RC3H1: variants seen among roughly 807,000 people sequenced by gnomAD.
RC3H1 encodes the protein ring finger and CCCH-type domains 1.
Under a neutral mutation model 138.2 loss-of-function variants are expected in RC3H1, and 50 were observed. That is an observed-to-expected ratio of 0.36 (90% CI 0.29 to 0.46). The LOEUF (loss-of-function observed/expected upper bound fraction) is 0.46, where lower values mean the gene tolerates loss of function less well. RC3H1 is among the 20% of genes least tolerant of loss of function. RC3H1 has a pLI of 1.00. For synonymous variants in RC3H1, 462 were observed against 489.1 expected, an observed-to-expected ratio of 0.94 and a Z score of 0.73; for missense variants, 1,031 against 1,388.1, an observed-to-expected ratio of 0.74 and a Z score of 4.09.
intron 1 of RC3H1, among the ~76,000 whole-genome samples, chr1:174,003,359 C>A: frequency 6.7e-6 from 1 of 149,622 alleles, no homozygotes; most frequent in Non-Finnish European, 1.5e-5. Flanking sequence ...TGCACTCCAG[C>A]CTGGGCAACA....
At chr1:174,019,562 T>C (rs571707157) in intron 1 of RC3H1, among the ~76,000 whole-genome samples, 1 of 152,350 alleles carries the variant, frequency 6.6e-6, no homozygotes, top group South Asian at 2.1e-4. Context: ...TCAACAAATA[T>C]GTTCTGAAAG....
intron 19 of RC3H1, among the ~76,000 whole-genome samples, chr1:173,940,958 A>C (rs1168619157): frequency 6.6e-6 from 1 of 151,876 alleles, no homozygotes; most frequent in Non-Finnish European, 1.5e-5. Context: ...AGTAGCTGGG[A>C]CTACAGGCAC....
chr1:173,990,331 G>A (rs1338486066), intron 2 of RC3H1, among the ~76,000 whole-genome samples: 2 of 151,748 alleles, frequency 1.3e-5, no homozygotes, highest in African/African-American at 2.4e-5. Flanking sequence ...TGCTAGCCTC[G>A]GCCTCCCAAA....
intron 18 of RC3H1, among the ~76,000 whole-genome samples, chr1:173,942,603 C>T (rs373849632): frequency 4.0e-5 from 6 of 151,582 alleles, no homozygotes; most frequent in Admixed American, 2.6e-4. Flanking sequence ...GAGGCTGAGG[C>T]GGGCGGATCA....
chr1:174,017,194 C>T (rs1035464347), intron 1 of RC3H1, among the ~76,000 whole-genome samples: 1 of 152,142 alleles, frequency 6.6e-6, no homozygotes, highest in Non-Finnish European at 1.5e-5. Context: ...TTAAGAAAAC[C>T]TAAAAGGCAA....
chr1:173,964,743 G>GT, intron 10 of RC3H1, 96 bp downstream of exon 10: 1 of 1,177,016 alleles, frequency 8.5e-7, no homozygotes, highest in Non-Finnish European at 1.2e-6. Context: ...AAATAATCAG[G>GT]GTTTTTTTTT....
chr1:173,978,348 T>C (rs1660667826), intron 7 of RC3H1, 140 bp downstream of exon 7: 3 of 779,186 alleles, frequency 3.9e-6, no homozygotes, highest in Non-Finnish European at 5.8e-6. Context: ...AGATTTAAAA[T>C]GGAAACTTAA....
intron 1 of RC3H1, among the ~76,000 whole-genome samples, chr1:174,003,695 G>C (rs1443618734): frequency 6.9e-6 from 1 of 145,190 alleles, no homozygotes; most frequent in South Asian, 2.2e-4. Context: ...GAGTCTCTCT[G>C]TGTCCCCTAG....
intron 2 of RC3H1, among the ~76,000 whole-genome samples, chr1:173,987,859 A>G (rs2103026423): frequency 6.6e-6 from 1 of 152,266 alleles, no homozygotes; most frequent in East Asian, 1.9e-4. Flanking sequence ...ATCCATTATC[A>G]CATGAATCAC....
chr1:173,946,389 T>G, intron 17 of RC3H1, 87 bp downstream of exon 17: 1 of 1,280,726 alleles, frequency 7.8e-7, no homozygotes, highest in South Asian at 1.5e-5. Context: ...CCTTAAAGTT[T>G]TTTGTTCACA....
Position 173,931,862 on chromosome 1 carries a change from C to A in RC3H1, c.*6859G>T, listed in dbSNP as rs1658391801. The A allele has an allele frequency of 6.6e-6, 1 of 151,824 alleles. No homozygotes were observed. The highest frequency in any genetic ancestry group is 2.1e-4 in the South Asian group (1 of 4,830). 9.4% of individuals were successfully genotyped at this position (151,824 alleles called of 1,614,324 possible). Reference sequence around the variant, plus strand: ...AACACTTGGAAAAAGTAAAATTTCACAAAATTCAGCAATTAAAAAATCAGC... The same window carrying A: ...AACACTTGGAAAAAGTAAAATTTCAAAAAATTCAGCAATTAAAAAATCAGC... On this transcript the variant is annotated 3_prime_UTR_variant, in exon 20 of 20. Transcript: ENST00000367696.
chr1:174,007,025 C>G (rs993280724), intron 1 of RC3H1, among the ~76,000 whole-genome samples: 1 of 152,090 alleles, frequency 6.6e-6, no homozygotes, highest in Non-Finnish European at 1.5e-5. Flanking sequence ...ATGATTACTC[C>G]TTTATTCTTC....
intron 15 of RC3H1, 60 bp downstream of exon 15, chr1:173,947,309 G>T: frequency 9.0e-7 from 1 of 1,114,756 alleles, no homozygotes; most frequent in Non-Finnish European, 1.4e-6. Flanking sequence ...GGAGAGCAGG[G>T]GTAATGCTGA....
intron 13 of RC3H1, among the ~76,000 whole-genome samples, chr1:173,956,430 C>T (rs1453488844): frequency 6.6e-6 from 1 of 151,950 alleles, no homozygotes. Flanking sequence ...GAGGCCAAGG[C>T]AGGCGGATCA....
At chr1:173,951,154 A>G (rs1356595943) in intron 14 of RC3H1, among the ~76,000 whole-genome samples, 2 of 152,108 alleles carry the variant, frequency 1.3e-5, no homozygotes, top group African/African-American at 4.8e-5. Context: ...GAGAAACCCC[A>G]TCTCTACTAA....
chr1:173,975,537 T>C (rs1330196622), intron 7 of RC3H1, among the ~76,000 whole-genome samples: 2 of 152,176 alleles, frequency 1.3e-5, no homozygotes, highest in Non-Finnish European at 2.9e-5. Flanking sequence ...TATGTCTTCA[T>C]ACAAATGCAT....
chr1:173,975,636 C>T lies in RC3H1; in HGVS notation c.1102+2852G>A, dbSNP rs1262094406. Among the ~76,000 whole-genome samples, 2 of 61,118 alleles carry T rather than the reference C, an allele frequency of 3.3e-5. 1 individual carries two copies. Among genetic ancestry groups the T allele is most frequent in the Non-Finnish European group, 5.1e-5 (2 of 39,122 alleles). The allele number at this position is 61,118 out of a possible 152,430, so 40.1% of individuals were successfully genotyped here. A position where few individuals can be genotyped will look rare whatever the true frequency, so the allele number is the denominator to read the frequency against. The stretch of plus-strand genomic sequence containing the variant: ...AAATTTGGCCGGGCGCGGTGGCTCA[C>T]GCCTGTAATCCCAGCACTTTGGGAG... On this transcript the variant is annotated intron_variant, in intron 7 of 19. Coordinates refer to ENST00000367696, the MANE Select transcript of RC3H1 (RefSeq NM_172071.4).
intron 8 of RC3H1, among the ~76,000 whole-genome samples, chr1:173,972,282 A>C (rs143310146): frequency 1.3e-5 from 2 of 152,348 alleles, no homozygotes; most frequent in East Asian, 3.9e-4. Context: ...GCATGACATC[A>C]GATCAATAAG....
rs1231890952 is a variant in RC3H1, at chr1:173,936,794, A to T, written c.*1927T>A. 2 of 139,182 alleles carry T rather than the reference A, an allele frequency of 1.4e-5. No homozygotes were observed. Among genetic ancestry groups the T allele is most frequent in the African/African-American group, 2.6e-5 (1 of 38,808 alleles). The allele number at this position is 139,182 out of a possible 1,614,324, so 8.6% of individuals were successfully genotyped here. The stretch of plus-strand genomic sequence containing the variant: ...TTTTTTTTTTAAAAAAAGAAGACAA[A>T]TGTATAAGAAAACTGGAAAAAAAAA... On this transcript the variant is annotated 3_prime_UTR_variant, in exon 20 of 20. Transcript: ENST00000367696.
Sources: allele counts gnomAD v4.1 joint callset (sites outside exome capture counted in the v4.1 genomes callset), GRCh38; gene constraint gnomAD v4.1.1; transcripts MANE v1.5; gene names NCBI Gene and HGNC (gene_info 2026-07-23, HGNC 2026-07-21).